The following RLBP1 variants were observed in gnomAD, a reference collection of about 807,000 sequenced individuals.
The protein encoded by RLBP1 is retinaldehyde-binding protein 1.
In RLBP1, 26 loss-of-function variants were observed where a neutral mutation model predicts 36.2. The observed-to-expected ratio is 0.72, with a 90% confidence interval of 0.53 to 1.00. RLBP1 has a LOEUF of 1.00. Among genes scored for constraint, RLBP1 ranks in the 50% least tolerant of loss-of-function variants. The pLI, the probability that RLBP1 is intolerant of heterozygous loss-of-function variation, is 0.00. For missense variants in RLBP1, 410 were observed against 402.4 expected (o/e 1.02, Z -0.16); for synonymous variants, 155 against 156.2 (o/e 0.99, Z 0.06).
In RLBP1 at chr15:89,210,398, C is replaced by G; in HGVS notation, c.841G>C (p.Asp281His). The G allele has an allele frequency of 6.2e-7, 1 of 1,614,212 alleles. No individual in the cohort carries two copies. Among genetic ancestry groups the G allele is most frequent in the South Asian group, 1.1e-5 (1 of 91,086 alleles). ...AAGTCAGAGGGCAGGATGTTCTCATCGATCTCCTGGTAGAAACCAGAAAGG... is the reference window on the plus strand; with the variant it reads ...AAGTCAGAGGGCAGGATGTTCTCATGGATCTCCTGGTAGAAACCAGAAAGG... ...DDLSGFYQEI[D>H]ENILPSDFGG... The change falls in exon 9 of 9, where the codon GAT becomes CAT. Residue 281 changes from aspartate to histidine, a missense_variant. Transcript: ENST00000268125. The surrounding 1 kb of genome is among the most constrained non-coding windows in gnomAD (Gnocchi z 4.7).
chr15:89,217,952 G>C (rs992069286), intron 4 of RLBP1, among the ~76,000 whole-genome samples: 1 of 152,210 alleles, frequency 6.6e-6, no homozygotes, highest in Non-Finnish European at 1.5e-5. Context: ...AGGGAAAGGA[G>C]GGGGAGTAAA....
rs1402257739 is a variant in RLBP1, at chr15:89,210,231, A to G, written c.*54T>C. ...CCTTTCCTAGCCTTGGGTCCAGGAC[A>G]GTTGAGGAGAGGCCCAGAGATTCTA... On this transcript the variant is annotated 3_prime_UTR_variant, in exon 9 of 9. Transcript: ENST00000268125. This position sits in a 1 kb window ranked among gnomAD's most constrained non-coding sequence, Gnocchi z 4.7. The G allele has an allele frequency of 1.2e-6, 2 of 1,601,870 alleles. No homozygotes were observed. Among genetic ancestry groups the G allele is most frequent in the Non-Finnish European group, 1.7e-6 (2 of 1,172,152 alleles).
chr15:89,217,434 G>T (rs993597240), intron 4 of RLBP1, 110 bp from the exon 5 acceptor site: 1 of 1,080,338 alleles, frequency 9.3e-7, no homozygotes, highest in Non-Finnish European at 1.4e-6. Flanking sequence ...GGGCCCAGGG[G>T]TCTGCAGCCG....
In RLBP1 at chr15:89,210,995, G is replaced by A. The variant is rs2051533525; in HGVS notation, c.685-186C>T. 6.6e-6 allele frequency among the ~76,000 whole-genome samples: 1 copy of A among 152,154 alleles called. No individual in the cohort carries two copies. Among genetic ancestry groups the A allele is most frequent in the African/African-American group, 2.4e-5 (1 of 41,430 alleles). ...AACTAGGGATCCCTGGCTCACTGTG[G>A]CCCAGACTGCACGGAGGAAGCCCCA... On this transcript the variant is annotated intron_variant, in intron 7 of 8. Coordinates refer to ENST00000268125, the MANE Select transcript of RLBP1 (RefSeq NM_000326.5). The surrounding 1 kb of genome is among the most constrained non-coding windows in gnomAD (Gnocchi z 4.7).
intron 6 of RLBP1, among the ~76,000 whole-genome samples, chr15:89,212,610 G>A (rs1001939444): frequency 7.1e-5 from 9 of 125,988 alleles, no homozygotes; most frequent in Admixed American, 9.1e-5. Flanking sequence ...AAAGAAAAAT[G>A]TGTGTGTGTG....
intron 5 of RLBP1, 137 bp downstream of exon 5, chr15:89,216,983 G>T: frequency 1.2e-6 from 1 of 847,712 alleles, no homozygotes. Flanking sequence ...CCATTTTACA[G>T]GTAAGGATGT....
Position 89,217,214 on chromosome 15 carries a change from C to T in RLBP1, c.252G>A (p.Val84=), listed in dbSNP as rs140554157. 3 of 1,613,296 alleles carry T rather than the reference C, an allele frequency of 1.9e-6. No individual in the cohort carries two copies. Among genetic ancestry groups the T allele is most frequent in the Non-Finnish European group, 2.5e-6 (3 of 1,180,046 alleles). The change falls in exon 5 of 9, where the codon GTG becomes GTA. Residue 84 remains valine (V), a synonymous_variant. Coordinates refer to ENST00000268125, the MANE Select transcript of RLBP1 (RefSeq NM_000326.5). The stretch of plus-strand genomic sequence containing the variant: ...TGTCCTTCTCTTGCACCCTCTCCGC[C>T]ACGGCCACCGCCAGCTCCTCCCCCG... ...AASGEELAVA[V]AERVQEKDSG... is the part of the protein sequence containing the mutation.
rs1370201404 is a variant in RLBP1 at position 89,217,165 on chromosome 15, G to T, written c.301C>A (p.Arg101Ser). 2 of 1,614,010 alleles carry T rather than the reference G, an allele frequency of 1.2e-6. No homozygotes were observed. Among genetic ancestry groups the T allele is most frequent in the South Asian group, 1.1e-5 (1 of 91,076 alleles). Reference sequence around the variant, plus strand: ...CGGCCCACGTTGAACTTCCGTGCGCGGATGAAGCGCAGGAAGAAGCCGCTG... The same window carrying T: ...CGGCCCACGTTGAACTTCCGTGCGCTGATGAAGCGCAGGAAGAAGCCGCTG... Reference protein sequence around the residue: ...KDSGFFLRFIRARKFNVGRAY... With the variant: ...KDSGFFLRFISARKFNVGRAY... Residue 101 changes from arginine (R) to serine (S), a missense_variant, in exon 5 of 9, where the codon CGC becomes AGC. Physicochemically the swap from Arg to Ser is moderately radical, Grantham distance 110 (BLOSUM62 -1). Coordinates refer to ENST00000268125, the MANE Select transcript of RLBP1 (RefSeq NM_000326.5).
intron 4 of RLBP1, 123 bp from the exon 5 acceptor site, chr15:89,217,447 G>T: frequency 1.0e-6 from 1 of 965,506 alleles, no homozygotes; most frequent in Non-Finnish European, 1.6e-6. Context: ...TGCAGCCGCA[G>T]CTTTGCTTTT....
chr15:89,218,707 G>C lies in RLBP1; in HGVS notation c.13-14C>G. ...GAACGTGCCCACCTGGGCAGAGAAA[G>C]GAAAAAGAGGAACAGCCAACCGCAT... On this transcript the variant is annotated splice_polypyrimidine_tract_variant and intron_variant, in intron 3 of 8. Coordinates refer to ENST00000268125, the MANE Select transcript of RLBP1 (RefSeq NM_000326.5). The surrounding 1 kb of genome is among the most constrained non-coding windows in gnomAD (Gnocchi z 4.6). 1 of 1,613,622 alleles carries C rather than the reference G, an allele frequency of 6.2e-7. No individual in the cohort carries two copies. The highest frequency in any genetic ancestry group is 2.2e-5 in the East Asian group (1 of 44,892).
In RLBP1 at chr15:89,215,107, G is replaced by C; in HGVS notation, c.478C>G (p.Leu160Val). The C allele has an allele frequency of 1.9e-6, 3 of 1,614,258 alleles. No individual in the cohort carries two copies. The highest frequency in any genetic ancestry group is 2.5e-6 in the Non-Finnish European group (3 of 1,180,050). ...SRDKYGRVVM[L>V]FNIENWQSQE... ...CTTTGCCAGTTCTCAATGTTGAAGAGCATGACCACTCGGCCATACTTGTCC... is the reference window on the plus strand; with the variant it reads ...CTTTGCCAGTTCTCAATGTTGAAGACCATGACCACTCGGCCATACTTGTCC... The change falls in exon 6 of 9, where the codon CTC (leucine) becomes GTC (valine). Residue 160 changes from leucine (L) to valine (V), a missense_variant. Physicochemically the swap from Leu to Val is conservative, Grantham distance 32. Coordinates refer to ENST00000268125, the MANE Select transcript of RLBP1 (RefSeq NM_000326.5).
intron 6 of RLBP1, among the ~76,000 whole-genome samples, chr15:89,212,862 G>T (rs2051550335): frequency 6.6e-6 from 1 of 151,744 alleles, no homozygotes; most frequent in African/African-American, 2.4e-5. Flanking sequence ...CCAAGTAGCT[G>T]GGATTACAGG....
chr15:89,217,085 C>T (rs1269693835), intron 5 of RLBP1, 35 bp downstream of exon 5: 1 of 1,608,890 alleles, frequency 6.2e-7, no homozygotes, highest in African/African-American at 1.3e-5. Context: ...GGCCTCCCGT[C>T]TTCCCAGGGC....
rs570134297 is a variant in RLBP1, at chr15:89,216,321, T to C, written c.346+799A>G. Among the ~76,000 whole-genome samples the C allele has an allele frequency of 6.4e-4, 96 of 150,862 alleles. 1 individual carries two copies. Among genetic ancestry groups the C allele is most frequent in the Admixed American group, 9.9e-4 (15 of 15,122 alleles). On this transcript the variant is annotated intron_variant, in intron 5 of 8. Transcript: ENST00000268125. ...CTTGAGGGAACCACCCCCTTTTTTT[T>C]TTTCTTTCTTTCTTTTTTGAGATAG...
Position 89,211,138 on chromosome 15 carries a change from C to T in RLBP1, c.685-329G>A, listed in dbSNP as rs1035383315. ...AGTTTTTTCAAACCCACTTGCCTGCCGAAGGGACTGCAAACTATTACAAAC... is the reference window on the plus strand; with the variant it reads ...AGTTTTTTCAAACCCACTTGCCTGCTGAAGGGACTGCAAACTATTACAAAC... On this transcript the variant is annotated intron_variant, in intron 7 of 8. Coordinates refer to ENST00000268125, the MANE Select transcript of RLBP1 (RefSeq NM_000326.5). The surrounding 1 kb of genome is among the most constrained non-coding windows in gnomAD (Gnocchi z 5.8). Among the ~76,000 whole-genome samples the T allele has an allele frequency of 2.6e-5, 4 of 152,124 alleles. No homozygotes were observed. The East Asian group carries it at 5.8e-4, about 22-fold the overall frequency.
rs184653493 is a variant in RLBP1, at chr15:89,220,430, T to C, written c.-223-571A>G. ...CACAGTGTCCTGTTCTAAAGCATAG[T>C]TCCCCTTCTCTTTCTTAGCTCCATA... On this transcript the variant is annotated intron_variant, in intron 1 of 8. Transcript: ENST00000268125. Among the ~76,000 whole-genome samples the C allele has an allele frequency of 7.9e-3, 1,206 of 152,304 alleles. 6 individuals are homozygous for C. The highest frequency in any genetic ancestry group is 0.011 in the Non-Finnish European group (772 of 68,016).
Position 89,210,803 on chromosome 15 carries a change from A to G in RLBP1, c.691T>C (p.Phe231Leu). 2 of 1,584,026 alleles carry G rather than the reference A, an allele frequency of 1.3e-6. No individual in the cohort carries two copies. The highest frequency in any genetic ancestry group is 1.7e-6 in the Non-Finnish European group (2 of 1,162,674). ...TGGATGGCTTTGAACCGGGCTGGGAAGGAATCCTGCGGTGACAGAGAGATA... is the reference window on the plus strand; with the variant it reads ...TGGATGGCTTTGAACCGGGCTGGGAGGGAATCCTGCGGTGACAGAGAGATA... ...RKMVDMLQDS[F>L]PARFKAIHFI... The change falls in exon 8 of 9, where the codon TTC becomes CTC. Residue 231 changes from phenylalanine to leucine, a missense_variant. Coordinates refer to ENST00000268125, the MANE Select transcript of RLBP1 (RefSeq NM_000326.5). This position sits in a 1 kb window ranked among gnomAD's most constrained non-coding sequence, Gnocchi z 4.7.
chr15:89,210,523 G>C lies in RLBP1; in HGVS notation c.796-80C>G. The C allele has an allele frequency of 1.3e-6, 2 of 1,505,488 alleles. No individual in the cohort carries two copies. Among genetic ancestry groups the C allele is most frequent in the Non-Finnish European group, 1.8e-6 (2 of 1,084,656 alleles). 93.3% of individuals were successfully genotyped at this position (1,505,488 alleles called of 1,614,324 possible). ...GGGTTGAGGGAGGAAAGGGGCAGGA[G>C]GACAAAGCCCCATCATGTGCAGTCT... is the stretch of plus-strand genomic sequence containing the variant. On this transcript the variant is annotated intron_variant, in intron 8 of 8. Transcript: ENST00000268125. This position sits in a 1 kb window ranked among gnomAD's most constrained non-coding sequence, Gnocchi z 4.7.
chr15:89,215,357 A>C (rs1472915071), intron 5 of RLBP1, 119 bp from the exon 6 acceptor site: 14 of 904,216 alleles, frequency 1.5e-5, no homozygotes, highest in Non-Finnish European at 2.4e-5. Flanking sequence ...CGAGCTGGCT[A>C]CTCAACCTAT....
Sources: allele counts gnomAD v4.1 joint callset (sites outside exome capture counted in the v4.1 genomes callset), GRCh38; gene constraint gnomAD v4.1.1; non-coding constraint Gnocchi (gnomAD v3.1); transcripts MANE v1.5; gene names NCBI Gene and HGNC (gene_info 2026-07-23, HGNC 2026-07-21).